Variants in PCDHGA3 observed in about 807,000 individuals in gnomAD.
PCDHGA3 encodes protocadherin gamma subfamily A, 3.
A neutral mutation model predicts 58.5 loss-of-function variants in PCDHGA3; 40 were observed. The ratio of observed to expected loss-of-function variants is 0.68; its 90% confidence interval spans 0.53 to 0.89. The LOEUF is 0.89. Ranked by LOEUF, PCDHGA3 falls within the 40% of genes least tolerant of loss-of-function variation. The pLI is 0.00. For missense variants in PCDHGA3, 1,223 were observed against 1,195.9 expected (o/e 1.02, Z -0.33); for synonymous variants, 530 against 525.7 (o/e 1.01, Z -0.11).
chr5:141,494,446 G>C (rs1046119515), intron 1 of PCDHGA3, among the ~76,000 whole-genome samples: 2 of 152,172 alleles, frequency 1.3e-5, no homozygotes, highest in African/African-American at 4.8e-5. Context: ...TGCCACTTTA[G>C]GGGGCTTTGT....
chr5:141,491,666 G>T lies in PCDHGA3; in HGVS notation c.2425-3141G>T, dbSNP rs373526771. Reference sequence around the variant, plus strand: ...CTGGCGCTGGAGCCTGACGCCATCCGGTCCCGCTCTAATACGCTGCGGGAG... The same window carrying T: ...CTGGCGCTGGAGCCTGACGCCATCCTGTCCCGCTCTAATACGCTGCGGGAG... On this transcript the variant is annotated intron_variant, in intron 1 of 3. Transcript: ENST00000253812. This position sits in a 1 kb window ranked among gnomAD's most constrained non-coding sequence, Gnocchi z 6.9. 1.2e-6 allele frequency: 2 copies of T among 1,613,732 alleles called. No homozygotes were observed. Among genetic ancestry groups the T allele is most frequent in the Non-Finnish European group, 1.7e-6 (2 of 1,180,008 alleles).
At chr5:141,374,109 A>C (rs1422319467) in intron 1 of PCDHGA3, 1 of 1,576,270 alleles carries the variant, frequency 6.3e-7, no homozygotes, top group Admixed American at 1.8e-5. Flanking sequence ...AGGCATCCGC[A>C]GCGCAGCGAG....
intron 1 of PCDHGA3, chr5:141,433,358 C>CCTATCTATCTATCTATCTATCTAT: frequency 9.9e-6 from 5 of 503,368 alleles, no homozygotes; most frequent in South Asian, 2.6e-5. Flanking sequence ...CTACTGTCTG[C>CCTATCTATCTATCTATCTATCTAT]CTATCTATCT....
intron 1 of PCDHGA3, chr5:141,419,785 G>A (rs1268841728): frequency 1.2e-6 from 2 of 1,613,934 alleles, no homozygotes; most frequent in Non-Finnish European, 1.7e-6. Flanking sequence ...GCCAGCGCCT[G>A]CTAGTCGCTG....
chr5:141,371,208 G>A (rs926435059), intron 1 of PCDHGA3: 2 of 1,613,802 alleles, frequency 1.2e-6, no homozygotes, highest in Admixed American at 1.7e-5. Flanking sequence ...CATGGATGAG[G>A]GCATCAATGC....
At chr5:141,413,501 G>A (rs772110374) in intron 1 of PCDHGA3, 1 of 1,614,040 alleles carries the variant, frequency 6.2e-7, no homozygotes, top group Non-Finnish European at 8.5e-7. Context: ...TGCGTGGTGA[G>A]TTTTAATATC....
Position 141,370,908 on chromosome 5 carries a change from C to G in PCDHGA3, c.2424+24451C>G, listed in dbSNP as rs372602970. ...TGTCAATTCGCTGCAGCAGTACTACCTCAGCCCTGATCCGCACTTCTCTTT... is the reference window on the plus strand; with the variant it reads ...TGTCAATTCGCTGCAGCAGTACTACGTCAGCCCTGATCCGCACTTCTCTTT... On this transcript the variant is annotated intron_variant, in intron 1 of 3. Transcript: ENST00000253812. 2.5e-6 allele frequency: 4 copies of G among 1,614,028 alleles called. No homozygotes were observed. The Admixed American group carries it at 6.7e-5, about 27-fold the overall frequency.
intron 1 of PCDHGA3, chr5:141,374,879 G>C (rs767481676): frequency 6.2e-7 from 1 of 1,613,694 alleles, no homozygotes; most frequent in Admixed American, 1.7e-5. Flanking sequence ...GGCAGTGACT[G>C]CCACCGACCA....
intron 2 of PCDHGA3, among the ~76,000 whole-genome samples, chr5:141,504,479 G>T (rs1270717855): frequency 6.6e-6 from 1 of 152,100 alleles, no homozygotes; most frequent in African/African-American, 2.4e-5. Context: ...TGGGAGTACA[G>T]TGGAGGCACC....
rs2099727742 is a variant in PCDHGA3 at position 141,491,740 on chromosome 5, G to C, written c.2425-3067G>C. On this transcript the variant is annotated intron_variant, in intron 1 of 3. Coordinates refer to ENST00000253812, the MANE Select transcript of PCDHGA3 (RefSeq NM_018916.4). The surrounding 1 kb of genome is among the most constrained non-coding windows in gnomAD (Gnocchi z 6.9). Reference sequence around the variant, plus strand: ...GCCGCCCCGGGCGACCCCTGGGGGCGGCACTGGAGAAGCCGCCCGTCCTCA... The same window carrying C: ...GCCGCCCCGGGCGACCCCTGGGGGCCGCACTGGAGAAGCCGCCCGTCCTCA... The C allele has an allele frequency of 6.3e-7, 1 of 1,597,622 alleles. No homozygotes were observed. The highest frequency in any genetic ancestry group is 8.5e-7 in the Non-Finnish European group (1 of 1,173,228).
At chr5:141,357,096 G>C (rs1487734992) in intron 1 of PCDHGA3, 1 of 1,613,886 alleles carries the variant, frequency 6.2e-7, no homozygotes. Flanking sequence ...CACGGGCCCT[G>C]CTGGACAGAG....
chr5:141,398,781 A>G, intron 1 of PCDHGA3: 1 of 1,613,934 alleles, frequency 6.2e-7, no homozygotes, highest in South Asian at 1.1e-5. Flanking sequence ...TGGACGGTGG[A>G]CATCCACCCC....
At chr5:141,372,433 C>T in intron 1 of PCDHGA3, 1 of 1,614,060 alleles carries the variant, frequency 6.2e-7, no homozygotes, top group Non-Finnish European at 8.5e-7. Flanking sequence ...GACCGCCCCA[C>T]TCCCTCTGAC....
intron 1 of PCDHGA3, among the ~76,000 whole-genome samples, chr5:141,457,278 C>T (rs1446074161): frequency 6.6e-6 from 1 of 152,196 alleles, no homozygotes; most frequent in Non-Finnish European, 1.5e-5. Flanking sequence ...TGTGGGCCTA[C>T]GAAGTTCCTT....
chr5:141,431,356 C>T lies in PCDHGA3; in HGVS notation c.2425-63451C>T. ...ACCCCGAATTGGTGCTGAAACGCGC[C>T]CTGGACCGCGAAGAAAAGGCTGCTC... On this transcript the variant is annotated intron_variant, in intron 1 of 3. Transcript: ENST00000253812. This position sits in a 1 kb window ranked among gnomAD's most constrained non-coding sequence, Gnocchi z 4.8. 6.2e-7 allele frequency: 1 copy of T among 1,614,004 alleles called. No individual in the cohort carries two copies. The highest frequency in any genetic ancestry group is 8.5e-7 in the Non-Finnish European group (1 of 1,180,026).
At chr5:141,388,250 G>A in intron 1 of PCDHGA3, 1 of 1,610,522 alleles carries the variant, frequency 6.2e-7, no homozygotes, top group Middle Eastern at 1.7e-4. Flanking sequence ...TGAATGTGGA[G>A]ATCGAGGACA....
chr5:141,396,882 G>C (rs2093447309), intron 1 of PCDHGA3, among the ~76,000 whole-genome samples: 3 of 152,208 alleles, frequency 2.0e-5, no homozygotes, highest in African/African-American at 7.2e-5. Flanking sequence ...GCACATTTGA[G>C]AGGACAACAT....
At chr5:141,373,221 T>C (rs1295527389) in intron 1 of PCDHGA3, among the ~76,000 whole-genome samples, 1 of 152,268 alleles carries the variant, frequency 6.6e-6, no homozygotes, top group Non-Finnish European at 1.5e-5. Flanking sequence ...TAATGTAACC[T>C]GTATATAATA....
chr5:141,464,898 C>T (rs969877255), intron 1 of PCDHGA3, among the ~76,000 whole-genome samples: 4 of 151,958 alleles, frequency 2.6e-5, no homozygotes, highest in African/African-American at 4.8e-5. Flanking sequence ...GCCACCATGT[C>T]CAGCTAATTT....
Sources: gnomAD v4.1 joint callset for allele counts (sites outside exome capture counted in the v4.1 genomes callset) on GRCh38, gnomAD v4.1.1 for gene constraint, Gnocchi (gnomAD v3.1) non-coding constraint, MANE v1.5 for transcripts, NCBI Gene and HGNC (gene_info 2026-07-23, HGNC 2026-07-21) for gene names.